Variants in CAMK2D observed in about 807,000 individuals in gnomAD.
The protein encoded by CAMK2D is calcium/calmodulin dependent protein kinase II delta, also known as calcium/calmodulin-dependent protein kinase type II subunit delta.
CAMK2D carries 37 observed loss-of-function variants against 84.0 expected under a neutral mutation model. The observed-to-expected ratio is 0.44, with a 90% CI of 0.34 to 0.58. The LOEUF is 0.58. Ranked by LOEUF, CAMK2D falls within the 20% of genes least tolerant of loss-of-function variation. The probability of loss-of-function intolerance (pLI) is 0.02; values close to 1 mark genes in which losing one functional copy is unlikely to be tolerated. For missense variants in CAMK2D, 448 were observed against 652.5 expected (o/e 0.69, Z 3.41); for synonymous variants, 202 against 212.5 (o/e 0.95, Z 0.43).
At chr4:113,643,433 T>G (rs1044572117) in intron 3 of CAMK2D, among the ~76,000 whole-genome samples, 3 of 152,196 alleles carry the variant, frequency 2.0e-5, no homozygotes, top group Non-Finnish European at 2.9e-5. Flanking sequence ...TTAAAGTGTG[T>G]AGAACAAATA....
At chr4:113,546,172 G>GA (rs1044157282) in intron 6 of CAMK2D, among the ~76,000 whole-genome samples, 4 of 152,048 alleles carry the variant, frequency 2.6e-5, no homozygotes, top group East Asian at 1.9e-4. Context: ...AGAAGTGTCT[G>GA]AAAAAAAATT....
intron 3 of CAMK2D, among the ~76,000 whole-genome samples, chr4:113,644,942 A>G (rs1316323687): frequency 6.6e-6 from 1 of 152,200 alleles, no homozygotes; most frequent in Non-Finnish European, 1.5e-5. Flanking sequence ...CTATAGCTCA[A>G]TTGCCAAATT....
chr4:113,761,265 G>C lies in CAMK2D; in HGVS notation c.-197C>G. 2.1e-6 allele frequency: 3 copies of C among 1,453,700 alleles called. No individual in the cohort carries two copies. In the South Asian group the frequency reaches 4.2e-5, roughly 20 times the overall value. 90.1% of individuals were successfully genotyped at this position (1,453,700 alleles called of 1,614,324 possible). Reference sequence around the variant, plus strand: ...AGATGACCAGAAAGGGTGGCGTGGGGTCTCCTCCCCACAGTCCGCCGATCC... The same window carrying C: ...AGATGACCAGAAAGGGTGGCGTGGGCTCTCCTCCCCACAGTCCGCCGATCC... On this transcript the variant is annotated 5_prime_UTR_variant, in exon 1 of 21. Coordinates refer to ENST00000511664, the MANE Select transcript of CAMK2D (RefSeq NM_001321571.2).
chr4:113,728,273 T>C (rs58824182), intron 2 of CAMK2D, among the ~76,000 whole-genome samples: 7,994 of 152,178 alleles, frequency 0.053, 708 homozygotes, highest in African/African-American at 0.18. Context: ...ACAGGTGAAA[T>C]GGACCTATAT....
Position 113,752,112 on chromosome 4 carries a change from G to A in CAMK2D, c.160+7208C>T, listed in dbSNP as rs546384271. On this transcript the variant is annotated intron_variant, in intron 2 of 20. Coordinates refer to ENST00000511664, the MANE Select transcript of CAMK2D (RefSeq NM_001321571.2). The stretch of plus-strand genomic sequence containing the variant: ...GTTAGGGATGGTGATTAGCTCTCGG[G>A]GAGATACAAAGGATAGGGATCAACA... 2.6e-5 allele frequency among the ~76,000 whole-genome samples: 4 copies of A among 151,934 alleles called. No individual in the cohort carries two copies. In the South Asian group the frequency reaches 8.3e-4, roughly 32 times the overall value.
chr4:113,468,145 T>A (rs999256439), intron 16 of CAMK2D, among the ~76,000 whole-genome samples: 2 of 152,110 alleles, frequency 1.3e-5, no homozygotes, highest in Non-Finnish European at 2.9e-5. Context: ...AAGCATAATA[T>A]GGAATTAGAA....
At position 113,761,589 on chromosome 4, in the gene CAMK2D, C is replaced by A; in HGVS notation, c.-521G>T. On this transcript the variant is annotated 5_prime_UTR_variant, in exon 1 of 21. Transcript: ENST00000511664. Reference sequence around the variant, plus strand: ...AGCGGCCGCTGTCAGCAGGCTCAGGCGCGGGGCGCGCCGGGGCTCCGACGA... The same window carrying A: ...AGCGGCCGCTGTCAGCAGGCTCAGGAGCGGGGCGCGCCGGGGCTCCGACGA... 1 of 985,040 alleles carries A rather than the reference C, an allele frequency of 1.0e-6. No individual in the cohort carries two copies. Among genetic ancestry groups the A allele is most frequent in the Non-Finnish European group, 1.2e-6 (1 of 829,754 alleles). The allele number at this position is 985,040 out of a possible 1,614,324, so 61.0% of individuals were successfully genotyped here. A position where few individuals can be genotyped will look rare whatever the true frequency, so the allele number is the denominator to read the frequency against.
chr4:113,728,722 A>G (rs2099553399), intron 2 of CAMK2D, among the ~76,000 whole-genome samples: 1 of 152,138 alleles, frequency 6.6e-6, no homozygotes, highest in African/African-American at 2.4e-5. Flanking sequence ...TACCCTGGGA[A>G]GTTCCTTACC....
intron 8 of CAMK2D, among the ~76,000 whole-genome samples, chr4:113,529,665 C>T (rs915659855): frequency 6.6e-6 from 1 of 152,130 alleles, no homozygotes. Flanking sequence ...TGAAAATCCT[C>T]CCCATTATAT....
intron 8 of CAMK2D, among the ~76,000 whole-genome samples, chr4:113,522,924 G>T (rs1482253512): frequency 6.6e-6 from 1 of 152,184 alleles, no homozygotes; most frequent in East Asian, 1.9e-4. Flanking sequence ...CAATGTGATG[G>T]TATTTGGTGT....
chr4:113,750,470 T>A (rs1359551395), intron 2 of CAMK2D, among the ~76,000 whole-genome samples: 1 of 152,138 alleles, frequency 6.6e-6, no homozygotes, highest in African/African-American at 2.4e-5. Context: ...CTGCATGCTC[T>A]CAAAAGCCCT....
chr4:113,628,974 A>G (rs1195621107), intron 3 of CAMK2D, among the ~76,000 whole-genome samples: 2 of 152,126 alleles, frequency 1.3e-5, no homozygotes, highest in African/African-American at 2.4e-5. Context: ...CAGTTGGAAG[A>G]ACATTTCCAC....
intron 2 of CAMK2D, among the ~76,000 whole-genome samples, chr4:113,752,163 T>C (rs1470388503): frequency 3.3e-5 from 5 of 151,956 alleles, no homozygotes; most frequent in Non-Finnish European, 7.4e-5. Context: ...GCTTCAAAAG[T>C]AGGGAGAATG....
intron 2 of CAMK2D, among the ~76,000 whole-genome samples, chr4:113,723,317 C>T (rs2099536738): frequency 6.6e-6 from 1 of 151,876 alleles, no homozygotes; most frequent in Non-Finnish European, 1.5e-5. Context: ...CTCCACCTCC[C>T]AGTTTCAAGC....
Position 113,711,052 on chromosome 4 carries a change from T to C in CAMK2D, c.160+48268A>G, listed in dbSNP as rs17431684. On this transcript the variant is annotated intron_variant, in intron 2 of 20. Transcript: ENST00000511664. ...TTAAATTCTAATACCTGACATACGT[T>C]AAAGAGCCTTTAGGTTGAATAAAAT... 2.6e-5 allele frequency among the ~76,000 whole-genome samples: 4 copies of C among 151,516 alleles called. No individual in the cohort carries two copies. In the East Asian group the frequency reaches 7.7e-4, roughly 29 times the overall value.
chr4:113,633,810 T>C (rs1181997259), intron 3 of CAMK2D, among the ~76,000 whole-genome samples: 1 of 152,200 alleles, frequency 6.6e-6, no homozygotes, highest in African/African-American at 2.4e-5. Context: ...TAATATAATG[T>C]GCTAGCTGTG....
intron 10 of CAMK2D, among the ~76,000 whole-genome samples, chr4:113,514,680 A>T (rs1042413369): frequency 2.6e-5 from 4 of 152,168 alleles, no homozygotes; most frequent in Non-Finnish European, 5.9e-5. Context: ...CTCTACTGTC[A>T]GCTGCCAAAC....
intron 1 of CAMK2D, among the ~76,000 whole-genome samples, chr4:113,760,319 C>T (rs1306489241): frequency 2.0e-5 from 3 of 152,098 alleles, no homozygotes; most frequent in Non-Finnish European, 4.4e-5. Context: ...TTTTCCGTTG[C>T]CTGTATAAAT....
chr4:113,631,392 G>C (rs2099089134), intron 3 of CAMK2D, among the ~76,000 whole-genome samples: 1 of 152,066 alleles, frequency 6.6e-6, no homozygotes, highest in South Asian at 2.1e-4. Flanking sequence ...GAAAATGTAG[G>C]GAATTATTAT....
Sources: allele counts gnomAD v4.1 joint callset (sites outside exome capture counted in the v4.1 genomes callset), GRCh38; gene constraint gnomAD v4.1.1; transcripts MANE v1.5; gene names NCBI Gene and HGNC (gene_info 2026-07-23, HGNC 2026-07-21).